Variants in NPFFR2 observed in about 807,000 individuals in gnomAD.
The protein encoded by NPFFR2 is G-protein coupled receptor 74.
A neutral mutation model predicts 13.1 loss-of-function variants in NPFFR2; 15 were observed. That is an observed-to-expected ratio of 1.15 (90% CI 0.77 to 1.76). The LOEUF (loss-of-function observed/expected upper bound fraction) is 1.76, where lower values mean the gene tolerates loss of function less well. NPFFR2 is among the 40% of genes most tolerant of loss of function. NPFFR2 has a pLI of 0.00. For synonymous variants in NPFFR2, 190 were observed against 175.7 expected, an observed-to-expected ratio of 1.08 and a Z score of -0.65; for missense variants, 572 against 503.5, an observed-to-expected ratio of 1.14 and a Z score of -1.30.
intron 1 of NPFFR2, among the ~76,000 whole-genome samples, chr4:72,044,274 A>G (rs1578418661): frequency 6.6e-6 from 1 of 152,208 alleles, no homozygotes; most frequent in African/African-American, 2.4e-5. Flanking sequence ...ATGAACTAAT[A>G]CAGCCAATGT....
At chr4:72,101,459 AAT>A (rs1168803831) in intron 1 of NPFFR2, among the ~76,000 whole-genome samples, 5 of 151,432 alleles carry the variant, frequency 3.3e-5, no homozygotes, top group African/African-American at 1.2e-4. Flanking sequence ...ACATTAATAA[AAT>A]ATTTAAATAA....
intron 1 of NPFFR2, among the ~76,000 whole-genome samples, chr4:72,077,156 C>T (rs957656988): frequency 6.6e-6 from 1 of 151,958 alleles, no homozygotes; most frequent in African/African-American, 2.4e-5. Flanking sequence ...TATCTTCATC[C>T]TCATATTCAG....
intron 1 of NPFFR2, among the ~76,000 whole-genome samples, chr4:72,040,998 A>T (rs1484255822): frequency 2.6e-5 from 4 of 151,514 alleles, no homozygotes; most frequent in African/African-American, 9.7e-5. Flanking sequence ...CTTTTAAAAA[A>T]TTTTTAACTT....
At chr4:72,144,429 T>G (rs1170783214) in intron 3 of NPFFR2, among the ~76,000 whole-genome samples, 3 of 152,160 alleles carry the variant, frequency 2.0e-5, no homozygotes, top group Non-Finnish European at 4.4e-5. Context: ...GGAAGCAATG[T>G]CAAAGAACTT....
intron 1 of NPFFR2, among the ~76,000 whole-genome samples, chr4:72,037,067 A>T (rs1417510260): frequency 1.3e-5 from 2 of 152,010 alleles, no homozygotes; most frequent in Admixed American, 1.3e-4. Context: ...ACTTTTCCTT[A>T]AAGTATGGAG....
At chr4:72,111,964 T>C (rs1721579103) in intron 1 of NPFFR2, among the ~76,000 whole-genome samples, 1 of 152,060 alleles carries the variant, frequency 6.6e-6, no homozygotes, top group African/African-American at 2.4e-5. Context: ...AACCTCTATC[T>C]AGTCATTTTA....
At chr4:72,055,255 G>A (rs1161796559) in intron 1 of NPFFR2, among the ~76,000 whole-genome samples, 3 of 151,746 alleles carry the variant, frequency 2.0e-5, no homozygotes, top group Non-Finnish European at 4.4e-5. Flanking sequence ...TTCCCCAAGC[G>A]CATAGGCTCA....
Position 72,116,374 on chromosome 4 carries a change from A to C in NPFFR2, c.-7-12211A>C, listed in dbSNP as rs187180219. Among the ~76,000 whole-genome samples the C allele has an allele frequency of 3.3e-5, 5 of 151,986 alleles. No individual in the cohort carries two copies. In the East Asian group the frequency reaches 9.7e-4, roughly 29 times the overall value. ...CTAGTGAACTTAAATTTGACTACAC[A>C]TGGATATAAAGATGGGGACAATGGA... On this transcript the variant is annotated intron_variant, in intron 1 of 3. Coordinates refer to ENST00000308744, the MANE Select transcript of NPFFR2 (RefSeq NM_004885.3).
At chr4:72,122,350 A>G (rs28771787) in intron 1 of NPFFR2, among the ~76,000 whole-genome samples, 749 of 152,260 alleles carry the variant, frequency 4.9e-3, no homozygotes, top group Middle Eastern at 0.014. Flanking sequence ...CTGATGAGAC[A>G]GAAGTTAACA....
chr4:72,106,398 G>A (rs1445909485), intron 1 of NPFFR2, among the ~76,000 whole-genome samples: 2 of 152,060 alleles, frequency 1.3e-5, no homozygotes, highest in Non-Finnish European at 2.9e-5. Context: ...GTACTCTATA[G>A]TGAGGTGAAT....
intron 1 of NPFFR2, among the ~76,000 whole-genome samples, chr4:72,064,293 C>T (rs1311628674): frequency 6.6e-6 from 1 of 152,198 alleles, no homozygotes; most frequent in African/African-American, 2.4e-5. Context: ...TGCTGTCAGC[C>T]TCATCTGGAG....
At chr4:72,135,897 G>A (rs1722394457) in intron 2 of NPFFR2, among the ~76,000 whole-genome samples, 1 of 151,768 alleles carries the variant, frequency 6.6e-6, no homozygotes, top group Admixed American at 6.6e-5. Context: ...CATATAATGT[G>A]TAATAATCAT....
intron 1 of NPFFR2, among the ~76,000 whole-genome samples, chr4:72,067,222 G>A (rs572866796): frequency 6.6e-6 from 1 of 152,250 alleles, no homozygotes; most frequent in African/African-American, 2.4e-5. Context: ...GCAGAGCAGT[G>A]GCCCGAGTTC....
chr4:72,137,585 G>A (rs1722456435), intron 2 of NPFFR2, among the ~76,000 whole-genome samples: 2 of 152,148 alleles, frequency 1.3e-5, no homozygotes, highest in South Asian at 2.1e-4. Flanking sequence ...CTAGAAAACC[G>A]ACGTTCTGAC....
intron 1 of NPFFR2, among the ~76,000 whole-genome samples, chr4:72,118,817 A>G (rs1453826622): frequency 1.3e-5 from 2 of 152,174 alleles, no homozygotes; most frequent in African/African-American, 4.8e-5. Flanking sequence ...ATACTTTATA[A>G]TACAGTATAA....
chr4:72,035,432 G>A (rs1160546521), intron 1 of NPFFR2, among the ~76,000 whole-genome samples: 1 of 152,180 alleles, frequency 6.6e-6, no homozygotes, highest in African/African-American at 2.4e-5. Context: ...CCAGAGACCA[G>A]GAAAAGAGAG....
Position 72,147,513 on chromosome 4 carries a change from G to A in NPFFR2, c.964G>A (p.Ala322Thr), listed in dbSNP as rs554338656. 6.2e-7 allele frequency: 1 copy of A among 1,614,164 alleles called. No individual in the cohort carries two copies. Among genetic ancestry groups the A allele is most frequent in the Admixed American group, 1.7e-5 (1 of 60,024 alleles). The change falls in exon 4 of 4, where the codon GCA becomes ACA. Residue 322 changes from alanine (A) to threonine (T), a missense_variant. By Grantham distance (58) the Ala-to-Thr change is moderately conservative. Transcript: ENST00000308744. ...IYIYPFAHWL[A>T]FGNSSVNPII... ...CATCTACCCTTTTGCACACTGGCTGGCATTCGGCAACAGCAGTGTCAATCC... is the reference window on the plus strand; with the variant it reads ...CATCTACCCTTTTGCACACTGGCTGACATTCGGCAACAGCAGTGTCAATCC...
chr4:72,062,781 ATG>A (rs968962383), intron 1 of NPFFR2, among the ~76,000 whole-genome samples: 3 of 152,156 alleles, frequency 2.0e-5, no homozygotes, highest in African/African-American at 7.2e-5. Flanking sequence ...GTGGAACCAT[ATG>A]GAGCAGAGCT....
At chr4:72,047,809 T>C (rs1719420174) in intron 1 of NPFFR2, among the ~76,000 whole-genome samples, 1 of 152,178 alleles carries the variant, frequency 6.6e-6, no homozygotes, top group Non-Finnish European at 1.5e-5. Context: ...TTTCCACTCA[T>C]CTGAATTTGG....
Sources: allele counts gnomAD v4.1 joint callset (sites outside exome capture counted in the v4.1 genomes callset), GRCh38; gene constraint gnomAD v4.1.1; transcripts MANE v1.5; gene names NCBI Gene and HGNC (gene_info 2026-07-23, HGNC 2026-07-21).